The following COG3 variants were observed in gnomAD, a reference collection of about 807,000 sequenced individuals.
COG3 encodes the protein component of oligomeric golgi complex 3, also known as conserved oligomeric Golgi complex subunit 3.
COG3 carries 32 observed loss-of-function variants against 114.1 expected under a neutral mutation model. That is an observed-to-expected ratio of 0.28 (90% confidence interval 0.21 to 0.38). The LOEUF is 0.38. COG3 is among the 10% of genes least tolerant of loss of function. The probability of loss-of-function intolerance (pLI) is 1.00; values close to 1 mark genes in which losing one functional copy is unlikely to be tolerated. For missense variants in COG3, 813 were observed against 973.2 expected (o/e 0.84, Z 2.19); for synonymous variants, 352 against 365.7 (o/e 0.96, Z 0.43).
intron 4 of COG3, 107 bp from the exon 5 acceptor site, chr13:45,481,123 T>C (rs1469891428): frequency 1.5e-6 from 1 of 686,674 alleles, no homozygotes; most frequent in Non-Finnish European, 2.6e-6. Flanking sequence ...TCATATCTGA[T>C]ATAAACCTCT....
intron 16 of COG3, among the ~76,000 whole-genome samples, chr13:45,513,457 A>AAAAGTG (rs1871174529): frequency 3.7e-5 from 3 of 81,418 alleles, no homozygotes; most frequent in Admixed American, 1.6e-4. Flanking sequence ...TTATATATAT[A>AAAAGTG]ATATATACAT....
In COG3 at chr13:45,534,510, C is replaced by G. The variant is rs1407037105; in HGVS notation, c.2458-192C>G. 5 of 406,730 alleles carry G rather than the reference C, an allele frequency of 1.2e-5. No individual in the cohort carries two copies. The South Asian group carries it at 3.5e-4, about 29-fold the overall frequency. The allele number at this position is 406,730 out of a possible 1,614,324, so 25.2% of individuals were successfully genotyped here. A position where few individuals can be genotyped will look rare whatever the true frequency, so the allele number is the denominator to read the frequency against. ...GGCTCTAAACAACTTTTTTTTTTTC[C>G]ATTCTAATTGCTTTATTTTATTTTT... On this transcript the variant is annotated intron_variant, in intron 22 of 22. Coordinates refer to ENST00000349995, the MANE Select transcript of COG3 (RefSeq NM_031431.4).
intron 1 of COG3, among the ~76,000 whole-genome samples, chr13:45,470,154 A>T (rs760958701): frequency 5.9e-5 from 9 of 152,226 alleles, no homozygotes; most frequent in Non-Finnish European, 1.3e-4. Flanking sequence ...AATGTTGCAT[A>T]TTAAGTGAAA....
intron 13 of COG3, among the ~76,000 whole-genome samples, chr13:45,500,057 T>TGTGA (rs1566257073): frequency 9.2e-6 from 1 of 108,186 alleles, no homozygotes; most frequent in Non-Finnish European, 1.9e-5. Context: ...TGTGTGTGTG[T>TGTGA]GTGTGTGTGA....
chr13:45,481,129 C>G (rs1886222737), intron 4 of COG3, 101 bp from the exon 5 acceptor site: 2 of 697,958 alleles, frequency 2.9e-6, no homozygotes, highest in African/African-American at 1.8e-5. Flanking sequence ...CTGATATAAA[C>G]CTCTGTGTCT....
intron 14 of COG3, among the ~76,000 whole-genome samples, chr13:45,506,995 C>A (rs1455680557): frequency 6.6e-6 from 1 of 152,170 alleles, no homozygotes; most frequent in Non-Finnish European, 1.5e-5. Context: ...CGGAGGCAGA[C>A]GTGCAGGAGG....
At chr13:45,477,851 C>T (rs1286071143) in intron 2 of COG3, among the ~76,000 whole-genome samples, 1 of 152,100 alleles carries the variant, frequency 6.6e-6, no homozygotes, top group African/African-American at 2.4e-5. Context: ...TGATCTCAAT[C>T]TCCTGACCTC....
At chr13:45,522,131 C>T (rs976275811) in intron 19 of COG3, among the ~76,000 whole-genome samples, 1 of 151,980 alleles carries the variant, frequency 6.6e-6, no homozygotes, top group Non-Finnish European at 1.5e-5. Context: ...AATGCTTGTC[C>T]CTTGATAAAC....
At position 45,496,498 on chromosome 13, in the gene COG3, C is replaced by T. The variant is rs1005644428; in HGVS notation, c.1488+186C>T. 9.9e-5 allele frequency among the ~76,000 whole-genome samples: 15 copies of T among 151,900 alleles called. No homozygotes were observed. Among genetic ancestry groups the T allele is most frequent in the African/African-American group, 1.7e-4 (7 of 41,362 alleles). ...GCCTCCCAAGTGCTGGGATTACAGG[C>T]GTGAGCCACTGTGCCTAGCCTAGAT... On this transcript the variant is annotated intron_variant, in intron 13 of 22. Transcript: ENST00000349995.
intron 22 of COG3, chr13:45,531,279 G>T (rs1873145331): frequency 6.4e-6 from 1 of 155,182 alleles, no homozygotes; most frequent in Non-Finnish European, 1.4e-5. Flanking sequence ...ATAACTTCAA[G>T]ATTGAAAACA....
intron 1 of COG3, among the ~76,000 whole-genome samples, chr13:45,472,421 C>G (rs1440038125): frequency 1.3e-5 from 2 of 152,132 alleles, no homozygotes; most frequent in African/African-American, 4.8e-5. Flanking sequence ...TTCTTCCACC[C>G]TGTTCTCACT....
At chr13:45,495,390 A>G (rs1244662641) in intron 12 of COG3, among the ~76,000 whole-genome samples, 2 of 151,218 alleles carry the variant, frequency 1.3e-5, no homozygotes, top group Non-Finnish European at 3.0e-5. Context: ...TTTATTTATT[A>G]TTTTTGAGAC....
chr13:45,530,453 G>C (rs945361637), intron 21 of COG3, among the ~76,000 whole-genome samples: 5 of 152,096 alleles, frequency 3.3e-5, no homozygotes, highest in African/African-American at 9.7e-5. Context: ...TTATTCTCTG[G>C]GGGGACAAGG....
chr13:45,532,123 A>G (rs1873209035), intron 22 of COG3: 1 of 152,116 alleles, frequency 6.6e-6, no homozygotes, highest in Non-Finnish European at 1.5e-5. Flanking sequence ...GTGGCCTCAT[A>G]TCGCTGCTTG....
intron 22 of COG3, chr13:45,531,000 A>T (rs1018582708): frequency 1.0e-6 from 1 of 981,166 alleles, no homozygotes; most frequent in Non-Finnish European, 1.2e-6. Context: ...ATTCTGTTTA[A>T]TCCTTTCTGA....
intron 14 of COG3, 87 bp from the exon 15 acceptor site, chr13:45,509,605 A>G: frequency 1.3e-6 from 2 of 1,541,788 alleles, no homozygotes; most frequent in African/African-American, 2.7e-5. Context: ...GCTAATGAGA[A>G]TAAGCAGTTT....
intron 6 of COG3, 57 bp downstream of exon 6, chr13:45,482,530 C>G: frequency 1.2e-6 from 1 of 828,034 alleles, no homozygotes; most frequent in South Asian, 1.6e-5. Flanking sequence ...TATTCCTGTT[C>G]CTATCTTTTT....
At chr13:45,465,313 T>A in intron 1 of COG3, 103 bp downstream of exon 1, 1 of 1,458,448 alleles carries the variant, frequency 6.9e-7, no homozygotes, top group Non-Finnish European at 9.1e-7. Context: ...AGGATATCTC[T>A]CCACTCCTCC....
At chr13:45,523,262 C>T (rs1872361293) in intron 19 of COG3, among the ~76,000 whole-genome samples, 1 of 150,844 alleles carries the variant, frequency 6.6e-6, no homozygotes, top group Non-Finnish European at 1.5e-5. Flanking sequence ...TCTTAATATT[C>T]CCTCTGAAGT....
Sources: gnomAD v4.1 joint callset for allele counts (sites outside exome capture counted in the v4.1 genomes callset) on GRCh38, gnomAD v4.1.1 for gene constraint, MANE v1.5 for transcripts, NCBI Gene and HGNC (gene_info 2026-07-23, HGNC 2026-07-21) for gene names.